Variants in ZNF804B observed in about 807,000 individuals in gnomAD.
The protein encoded by ZNF804B is zinc finger 804B.
In ZNF804B, 80 loss-of-function variants were observed where a neutral mutation model predicts 101.4. That is an observed-to-expected ratio of 0.79 (90% CI 0.66 to 0.95). The LOEUF (loss-of-function observed/expected upper bound fraction) is 0.95. ZNF804B is among the 40% of genes least tolerant of loss of function. ZNF804B has a pLI of 0.00. For missense variants in ZNF804B, 1,673 were observed against 1,561.9 expected (o/e 1.07, Z -1.20); for synonymous variants, 622 against 558.8 (o/e 1.11, Z -1.59).
chr7:89,115,971 C>G (rs1270629623), intron 1 of ZNF804B, among the ~76,000 whole-genome samples: 1 of 149,986 alleles, frequency 6.7e-6, no homozygotes, highest in Admixed American at 6.7e-5. Context: ...GTGGCGTGAT[C>G]TTGGCTTACT....
intron 2 of ZNF804B, among the ~76,000 whole-genome samples, chr7:89,234,413 C>G (rs902235690): frequency 6.6e-6 from 1 of 152,198 alleles, no homozygotes; most frequent in Middle Eastern, 3.4e-3. Context: ...GTATAATCTA[C>G]TTAACCTCTT....
intron 1 of ZNF804B, among the ~76,000 whole-genome samples, chr7:88,863,693 G>A (rs1791683766): frequency 6.6e-6 from 1 of 152,192 alleles, no homozygotes; most frequent in African/African-American, 2.4e-5. Context: ...ATCAAGTAAG[G>A]CTTTCTAAGG....
chr7:88,908,119 A>C (rs933086183), intron 1 of ZNF804B, among the ~76,000 whole-genome samples: 5 of 151,850 alleles, frequency 3.3e-5, no homozygotes, highest in Admixed American at 6.6e-5. Flanking sequence ...AGTAATTACA[A>C]TCTAGTAGGA....
chr7:88,858,499 G>A (rs1232625941), intron 1 of ZNF804B, among the ~76,000 whole-genome samples: 1 of 152,116 alleles, frequency 6.6e-6, no homozygotes, highest in Non-Finnish European at 1.5e-5. Context: ...CAGAGAGAAT[G>A]GGGCATGCAA....
intron 1 of ZNF804B, among the ~76,000 whole-genome samples, chr7:89,081,173 T>C (rs957121111): frequency 1.3e-5 from 2 of 151,852 alleles, no homozygotes; most frequent in Non-Finnish European, 2.9e-5. Flanking sequence ...TCAGCCTTCT[T>C]CAGGGACACT....
At chr7:89,265,445 A>G (rs1789778653) in intron 2 of ZNF804B, among the ~76,000 whole-genome samples, 1 of 152,148 alleles carries the variant, frequency 6.6e-6, no homozygotes, top group Non-Finnish European at 1.5e-5. Flanking sequence ...TACTAATAGA[A>G]CTCCATAATT....
intron 1 of ZNF804B, among the ~76,000 whole-genome samples, chr7:88,836,650 G>T (rs974314890): frequency 1.6e-4 from 24 of 151,882 alleles, no homozygotes; most frequent in African/African-American, 5.6e-4. Flanking sequence ...ATGAGTAAAT[G>T]AATGTTGATC....
intron 1 of ZNF804B, among the ~76,000 whole-genome samples, chr7:89,050,144 C>T (rs1392516408): frequency 2.0e-5 from 3 of 151,990 alleles, no homozygotes; most frequent in South Asian, 2.1e-4. Context: ...TATTTAAAAT[C>T]GTATTTCGGA....
intron 2 of ZNF804B, 54 bp downstream of exon 2, chr7:89,218,349 A>G: frequency 6.3e-7 from 1 of 1,591,572 alleles, no homozygotes; most frequent in Non-Finnish European, 8.6e-7. Flanking sequence ...CCTTCAGAAC[A>G]GAACTGTATG....
At chr7:89,161,174 GTGAAAGCACACTGGGCAAGCCTAC>G (rs1262254280) in intron 1 of ZNF804B, among the ~76,000 whole-genome samples, 3 of 152,026 alleles carry the variant, frequency 2.0e-5, no homozygotes, top group African/African-American at 7.2e-5. Flanking sequence ...TCCGCAGCCT[GTGAAAGCACACTGGGCAAGCCTAC>G]TCTGATTAGT....
At chr7:89,229,909 T>G (rs937929770) in intron 2 of ZNF804B, among the ~76,000 whole-genome samples, 2 of 152,078 alleles carry the variant, frequency 1.3e-5, no homozygotes, top group African/African-American at 4.8e-5. Flanking sequence ...AATAAATATT[T>G]GGAAACTCAC....
At chr7:89,203,879 A>G (rs1788680835) in intron 1 of ZNF804B, among the ~76,000 whole-genome samples, 1 of 152,216 alleles carries the variant, frequency 6.6e-6, no homozygotes, top group Admixed American at 6.5e-5. Flanking sequence ...GCCTGTGTTT[A>G]GCACATGTAG....
At chr7:89,197,672 C>T (rs908921793) in intron 1 of ZNF804B, among the ~76,000 whole-genome samples, 2 of 151,776 alleles carry the variant, frequency 1.3e-5, no homozygotes, top group African/African-American at 2.4e-5. Context: ...CTATGTCACT[C>T]GGTTACTCAT....
chr7:88,876,917 G>A (rs1791947710), intron 1 of ZNF804B, among the ~76,000 whole-genome samples: 2 of 140,686 alleles, frequency 1.4e-5, no homozygotes, highest in South Asian at 4.5e-4. Flanking sequence ...TTAAAAATAA[G>A]TAATAAAGAC....
At chr7:89,111,898 G>A (rs967319664) in intron 1 of ZNF804B, among the ~76,000 whole-genome samples, 1 of 152,034 alleles carries the variant, frequency 6.6e-6, no homozygotes, top group Non-Finnish European at 1.5e-5. Flanking sequence ...GAAGTCAGGA[G>A]TTTGACACCA....
intron 2 of ZNF804B, among the ~76,000 whole-genome samples, chr7:89,248,173 G>A (rs1277436934): frequency 1.3e-5 from 2 of 152,098 alleles, no homozygotes; most frequent in African/African-American, 4.8e-5. Context: ...GAACAACCTA[G>A]AAAACATACA....
intron 1 of ZNF804B, among the ~76,000 whole-genome samples, chr7:89,021,186 G>T (rs1788661315): frequency 6.6e-6 from 1 of 152,150 alleles, no homozygotes; most frequent in African/African-American, 2.4e-5. Flanking sequence ...ATTCTAGGTG[G>T]ATGCAGTAGT....
At chr7:89,261,513 T>TA (rs1789712238) in intron 2 of ZNF804B, among the ~76,000 whole-genome samples, 1 of 152,178 alleles carries the variant, frequency 6.6e-6, no homozygotes, top group Non-Finnish European at 1.5e-5. Context: ...CAAGGGTCAA[T>TA]AGTACACATA....
At chr7:88,980,120 G>T (rs1435028476) in intron 1 of ZNF804B, among the ~76,000 whole-genome samples, 2 of 151,680 alleles carry the variant, frequency 1.3e-5, no homozygotes, top group Non-Finnish European at 2.9e-5. Flanking sequence ...CAATGTGCAG[G>T]TTAGTTACAT....
Sources: gnomAD v4.1 joint callset for allele counts (sites outside exome capture counted in the v4.1 genomes callset) on GRCh38, gnomAD v4.1.1 for gene constraint, MANE v1.5 for transcripts, NCBI Gene and HGNC (gene_info 2026-07-23, HGNC 2026-07-21) for gene names.